The following GLMN variants were observed in gnomAD, a reference collection of about 807,000 sequenced individuals.
GLMN encodes the protein glomulin, FKBP associated protein, also known as glomulin.
A neutral mutation model predicts 87.8 loss-of-function variants in GLMN; 75 were observed. The ratio of observed to expected loss-of-function variants is 0.85; its 90% CI spans 0.71 to 1.04. The LOEUF is 1.04. Ranked by LOEUF, GLMN falls within the 50% of genes least tolerant of loss-of-function variation. The pLI is 0.00. For missense variants in GLMN, 588 were observed against 658.8 expected, an observed-to-expected ratio of 0.89 and a Z score of 1.18; for synonymous variants, 206 against 221.6, an observed-to-expected ratio of 0.93 and a Z score of 0.63.
At chr1:92,268,178 T>G in intron 9 of GLMN, 43 bp from the exon 10 acceptor site, 2 of 1,018,788 alleles carry the variant, frequency 2.0e-6, no homozygotes, top group South Asian at 1.3e-5. Context: ...TGTAAACTAT[T>G]TTAGAATGAT....
At position 92,262,919 on chromosome 1, in the gene GLMN, C is replaced by G; in HGVS notation, c.1417G>C (p.Ala473Pro). Reference sequence around the variant, plus strand: ...AAATACCTCAATAAATTTAATGAAGCCATAATCCTGTTAATTAAAAATATA... The same window carrying G: ...AAATACCTCAATAAATTTAATGAAGGCATAATCCTGTTAATTAAAAATATA... ...DLLQNSDRIM[A>P]SLNLLRYLVI... The change falls in exon 16 of 19, where the codon GCT (alanine) becomes CCT (proline). Residue 473 changes from alanine (A) to proline (P), a missense_variant. Transcript: ENST00000370360. 1 of 1,096,832 alleles carries G rather than the reference C, an allele frequency of 9.1e-7. No individual in the cohort carries two copies. The highest frequency in any genetic ancestry group is 1.4e-6 in the Non-Finnish European group (1 of 713,442). The allele number at this position is 1,096,832 out of a possible 1,614,324, so 67.9% of individuals were successfully genotyped here.
chr1:92,288,353 T>G (rs969075227), intron 6 of GLMN, among the ~76,000 whole-genome samples: 1 of 152,208 alleles, frequency 6.6e-6, no homozygotes, highest in Non-Finnish European at 1.5e-5. Context: ...ACTTTCATTA[T>G]TCACCTACTA....
chr1:92,315,966 C>G, the GLMN span, among the ~76,000 whole-genome samples: 1 of 152,120 alleles, frequency 6.6e-6, no homozygotes, highest in African/African-American at 2.4e-5. Flanking sequence ...AGAAACAGAC[C>G]ACATAGAGTT....
the GLMN span, among the ~76,000 whole-genome samples, chr1:92,363,263 G>A: frequency 6.6e-6 from 1 of 152,116 alleles, no homozygotes; most frequent in East Asian, 1.9e-4. Context: ...TAAGCATACG[G>A]TATGGAGAAG....
chr1:92,287,005 A>G (rs538438005), intron 6 of GLMN, among the ~76,000 whole-genome samples: 4 of 152,316 alleles, frequency 2.6e-5, no homozygotes, highest in Admixed American at 2.0e-4. Flanking sequence ...GCACAAATGG[A>G]TTAAGACAAG....
intron 3 of GLMN, among the ~76,000 whole-genome samples, chr1:92,296,417 GGCA>G (rs1650061145): frequency 6.6e-6 from 1 of 152,170 alleles, no homozygotes; most frequent in South Asian, 2.1e-4. Flanking sequence ...CTCTTCACAG[GGCA>G]GCAGGAGAGG....
chr1:92,304,931 G>A, the GLMN span, among the ~76,000 whole-genome samples: 2 of 151,934 alleles, frequency 1.3e-5, no homozygotes, highest in South Asian at 2.1e-4. Flanking sequence ...AGCTCAAGGA[G>A]TTGGAGGCCA....
At chr1:92,317,058 C>T in the GLMN span, among the ~76,000 whole-genome samples, 1 of 152,192 alleles carries the variant, frequency 6.6e-6, no homozygotes, top group South Asian at 2.1e-4. Context: ...AAGGTGGTAT[C>T]CTTGCAACTT....
At chr1:92,316,227 C>A in the GLMN span, among the ~76,000 whole-genome samples, 1 of 152,128 alleles carries the variant, frequency 6.6e-6, no homozygotes, top group South Asian at 2.1e-4. Flanking sequence ...GGATTTCACA[C>A]GTTGCTTCTT....
At chr1:92,299,087 C>G (rs2101085542), upstream of GLMN, 1 of 1,516,728 alleles carries the variant, frequency 6.6e-7, no homozygotes, top group East Asian at 2.6e-5. Context: ...GCGGACTTCG[C>G]TGGGCCGTCT....
At chr1:92,363,170 G>A in the GLMN span, among the ~76,000 whole-genome samples, 13 of 152,284 alleles carry the variant, frequency 8.5e-5, no homozygotes, top group South Asian at 1.2e-3. Flanking sequence ...GTCAGTAAAC[G>A]TTGGCTTCTC....
the GLMN span, among the ~76,000 whole-genome samples, chr1:92,364,735 G>T: frequency 6.6e-6 from 1 of 151,970 alleles, no homozygotes; most frequent in Non-Finnish European, 1.5e-5. Flanking sequence ...CCCACATTAG[G>T]CCTTCATTAC....
intron 16 of GLMN, among the ~76,000 whole-genome samples, chr1:92,250,403 G>A (rs1375015031): frequency 6.6e-6 from 1 of 152,032 alleles, no homozygotes; most frequent in Non-Finnish European, 1.5e-5. Context: ...AGTTATTTGT[G>A]TTGTAGCTCT....
At chr1:92,336,580 AT>A in the GLMN span, among the ~76,000 whole-genome samples, 4 of 152,110 alleles carry the variant, frequency 2.6e-5, no homozygotes, top group African/African-American at 9.6e-5. Flanking sequence ...AAACAACATT[AT>A]TTCTCTCTTC....
intron 7 of GLMN, among the ~76,000 whole-genome samples, chr1:92,275,111 G>A (rs1162269114): frequency 1.3e-5 from 2 of 152,184 alleles, no homozygotes; most frequent in Non-Finnish European, 2.9e-5. Flanking sequence ...GCACCATTGA[G>A]TGCTCAGTAC....
At chr1:92,271,674 A>G (rs1656255519) in intron 7 of GLMN, 22 bp from the exon 8 acceptor site, 1 of 1,538,680 alleles carries the variant, frequency 6.5e-7, no homozygotes, top group Non-Finnish European at 9.0e-7. Context: ...ATAAAAAAGG[A>G]AACCATAGCA....
At chr1:92,296,145 C>G (rs529883395) in intron 3 of GLMN, among the ~76,000 whole-genome samples, 3 of 152,252 alleles carry the variant, frequency 2.0e-5, no homozygotes, top group African/African-American at 7.2e-5. Context: ...CAAATCCAAT[C>G]AAGATGCCCT....
the GLMN span, chr1:92,336,297 A>T: frequency 7.6e-7 from 1 of 1,317,516 alleles, no homozygotes; most frequent in South Asian, 1.3e-5. Flanking sequence ...ACCCAAAAAA[A>T]GTTTCCATAT....
intron 1 of GLMN, among the ~76,000 whole-genome samples, 162 bp downstream of exon 1, chr1:92,298,763 C>A (rs762285967): frequency 3.9e-5 from 6 of 152,092 alleles, no homozygotes; most frequent in African/African-American, 1.2e-4. Flanking sequence ...AGCGCGCGTG[C>A]GGGCTGCATC....
Sources: allele counts gnomAD v4.1 joint callset (sites outside exome capture counted in the v4.1 genomes callset), GRCh38; gene constraint gnomAD v4.1.1; transcripts MANE v1.5; gene names NCBI Gene and HGNC (gene_info 2026-07-23, HGNC 2026-07-21).